The following GBE1 variants were observed in gnomAD, a reference collection of about 807,000 sequenced individuals.
GBE1 encodes 1,4-alpha-glucan-branching enzyme.
GBE1 carries 70 observed loss-of-function variants against 88.8 expected under a neutral mutation model. The observed-to-expected ratio is 0.79, with a 90% CI of 0.65 to 0.96. The LOEUF is 0.96. GBE1 is among the 40% of genes least tolerant of loss of function. The pLI is 0.00. For missense variants in GBE1, 872 were observed against 871.0 expected (o/e 1.00, Z -0.01); for synonymous variants, 284 against 300.1 (o/e 0.95, Z 0.56).
chr3:81,755,738 A>G (rs927869218), intron 1 of GBE1, among the ~76,000 whole-genome samples: 1 of 152,158 alleles, frequency 6.6e-6, no homozygotes, highest in Non-Finnish European at 1.5e-5. Flanking sequence ...CAAATATCAC[A>G]TGCTCTCACT....
At chr3:81,689,855 C>T (rs1559688678) in intron 2 of GBE1, among the ~76,000 whole-genome samples, 1 of 152,282 alleles carries the variant, frequency 6.6e-6, no homozygotes, top group East Asian at 1.9e-4. Context: ...CCCTCCTCTT[C>T]CTGGGTGGAA....
At chr3:81,502,007 T>G (rs1161887261) in intron 14 of GBE1, among the ~76,000 whole-genome samples, 3 of 151,812 alleles carry the variant, frequency 2.0e-5, no homozygotes, top group Non-Finnish European at 1.5e-5. Flanking sequence ...TTTTTTTTTT[T>G]TTTTCTCTTA....
At position 81,679,979 on chromosome 3, in the gene GBE1, G is replaced by A. The variant is rs530696203; in HGVS notation, c.314-9026C>T. On this transcript the variant is annotated intron_variant, in intron 2 of 15. Coordinates refer to ENST00000429644, the MANE Select transcript of GBE1 (RefSeq NM_000158.4). ...CTGGCTGAAATGCCTCTATCTGGCC[G>A]CGCTTTCTCCTCATTTCTTACCCTC... Among the ~76,000 whole-genome samples the A allele has an allele frequency of 2.6e-3, 401 of 152,210 alleles. 2 individuals are homozygous for A. Among genetic ancestry groups the A allele is most frequent in the Middle Eastern group, 0.01 (3 of 294 alleles).
At chr3:81,649,428 C>T (rs192589561) in intron 4 of GBE1, among the ~76,000 whole-genome samples, 77 of 152,140 alleles carry the variant, frequency 5.1e-4, no homozygotes, top group African/African-American at 1.8e-3. Context: ...CTTCCCCATT[C>T]CGTGTTTCTA....
chr3:81,552,028 A>T (rs1271116417), intron 12 of GBE1, among the ~76,000 whole-genome samples: 1 of 152,208 alleles, frequency 6.6e-6, no homozygotes, highest in Non-Finnish European at 1.5e-5. Context: ...TATGTGTAAC[A>T]TCTTGAAGTA....
At chr3:81,511,126 G>A (rs904954786) in intron 14 of GBE1, among the ~76,000 whole-genome samples, 1 of 152,028 alleles carries the variant, frequency 6.6e-6, no homozygotes, top group Non-Finnish European at 1.5e-5. Flanking sequence ...CTAGTCATAT[G>A]AAGAAGAATG....
chr3:81,755,783 G>A (rs944795509), intron 1 of GBE1, among the ~76,000 whole-genome samples: 1 of 152,106 alleles, frequency 6.6e-6, no homozygotes, highest in African/African-American at 2.4e-5. Context: ...TTCTCAGGAA[G>A]ACAGAAAGTA....
intron 14 of GBE1, among the ~76,000 whole-genome samples, chr3:81,515,402 A>G (rs188989421): frequency 6.5e-4 from 99 of 151,564 alleles, no homozygotes; most frequent in Non-Finnish European, 1.1e-3. Flanking sequence ...GTTTTGGGGC[A>G]CCACAAATCA....
intron 7 of GBE1, among the ~76,000 whole-genome samples, chr3:81,617,015 A>AT (rs1213434111): frequency 6.6e-6 from 1 of 151,806 alleles, no homozygotes; most frequent in East Asian, 1.9e-4. Flanking sequence ...TAAATAGTAT[A>AT]TTTTTTAATT....
intron 13 of GBE1, among the ~76,000 whole-genome samples, chr3:81,536,692 A>G (rs1333041459): frequency 6.6e-6 from 1 of 152,096 alleles, no homozygotes; most frequent in Non-Finnish European, 1.5e-5. Flanking sequence ...AGTAACAAAC[A>G]AACCAGGAAA....
chr3:81,729,375 G>C (rs895298613), intron 1 of GBE1, among the ~76,000 whole-genome samples: 1 of 152,176 alleles, frequency 6.6e-6, no homozygotes, highest in African/African-American at 2.4e-5. Context: ...CATCTGCACA[G>C]TATGCCTGCA....
rs140653566 is a variant in GBE1, at chr3:81,591,381, C to T, written c.1109-217G>A. ...ATCAATTTTGTTTGACAAATGCACA[C>T]GCATGAGAAAAACAAAGCACTTTAA... On this transcript the variant is annotated intron_variant, in intron 8 of 15. Transcript: ENST00000429644. Among the ~76,000 whole-genome samples, 1,727 of 152,116 alleles carry T rather than the reference C, an allele frequency of 0.011. 15 individuals carry two copies. The highest frequency in any genetic ancestry group is 0.017 in the Non-Finnish European group (1,173 of 67,976).
At chr3:81,608,627 CTG>C (rs2106984754) in intron 7 of GBE1, among the ~76,000 whole-genome samples, 1 of 152,260 alleles carries the variant, frequency 6.6e-6, no homozygotes, top group East Asian at 1.9e-4. Context: ...GAGATAATAA[CTG>C]TCAGTTATGA....
Position 81,510,059 on chromosome 3 carries a change from C to T in GBE1, c.1935-10832G>A, listed in dbSNP as rs183665126. 9.9e-5 allele frequency among the ~76,000 whole-genome samples: 15 copies of T among 152,132 alleles called. No individual in the cohort carries two copies. The East Asian group carries it at 2.9e-3, about 29-fold the overall frequency. ...ATGATTCCAGGTTTATTCAAGTCAG[C>T]ACAAACTCAAAGACTTTCCATATCT... is the stretch of plus-strand genomic sequence containing the variant. On this transcript the variant is annotated intron_variant, in intron 14 of 15. Transcript: ENST00000429644.
At chr3:81,528,828 C>A (rs1433870642) in intron 14 of GBE1, among the ~76,000 whole-genome samples, 1 of 151,974 alleles carries the variant, frequency 6.6e-6, no homozygotes, top group Non-Finnish European at 1.5e-5. Flanking sequence ...CATAGAATAT[C>A]TTTTTCCATC....
Position 81,735,345 on chromosome 3 carries a change from T to C in GBE1, c.143+26030A>G, listed in dbSNP as rs1199880765. Among the ~76,000 whole-genome samples, 55 of 152,204 alleles carry C rather than the reference T, an allele frequency of 3.6e-4. 1 individual carries two copies. The highest frequency in any genetic ancestry group is 3.6e-3 in the Admixed American group (55 of 15,280). The stretch of plus-strand genomic sequence containing the variant: ...GCTCTGTGCAATGTTTGTAGGGATG[T>C]AGCACTGCTTAAAGTTTTGTCTTTT... On this transcript the variant is annotated intron_variant, in intron 1 of 15. Coordinates refer to ENST00000429644, the MANE Select transcript of GBE1 (RefSeq NM_000158.4).
intron 2 of GBE1, among the ~76,000 whole-genome samples, chr3:81,683,596 G>A (rs1227493260): frequency 6.6e-6 from 1 of 152,154 alleles, no homozygotes; most frequent in African/African-American, 2.4e-5. Flanking sequence ...AGATTAATTA[G>A]TGGTGGCTTC....
In GBE1 at chr3:81,676,952, A is replaced by G. The variant is rs3821549; in HGVS notation, c.314-5999T>C. On this transcript the variant is annotated intron_variant, in intron 2 of 15. Coordinates refer to ENST00000429644, the MANE Select transcript of GBE1 (RefSeq NM_000158.4). The stretch of plus-strand genomic sequence containing the variant: ...ATCAAACATTAACTAAGGTCACTGT[A>G]TCAGGCACACAAACTCTATGTTTAT... 3.9e-5 allele frequency among the ~76,000 whole-genome samples: 6 copies of G among 152,210 alleles called. No homozygotes were observed. In the East Asian group the frequency reaches 1.2e-3, roughly 29 times the overall value.
chr3:81,574,167 A>G (rs1703613115), intron 12 of GBE1, among the ~76,000 whole-genome samples: 1 of 152,230 alleles, frequency 6.6e-6, no homozygotes, highest in South Asian at 2.1e-4. Flanking sequence ...TTTAAAGTAG[A>G]AATGAAATAA....
Sources: gnomAD v4.1 joint callset for allele counts (sites outside exome capture counted in the v4.1 genomes callset) on GRCh38, gnomAD v4.1.1 for gene constraint, MANE v1.5 for transcripts, NCBI Gene and HGNC (gene_info 2026-07-23, HGNC 2026-07-21) for gene names.